Variants in SPHKAP observed in about 807,000 individuals in gnomAD.
The protein encoded by SPHKAP is SPHK1 interactor, AKAP domain containing, also known as A-kinase anchor protein SPHKAP.
In SPHKAP, 67 loss-of-function variants were observed where a neutral mutation model predicts 137.5. The observed-to-expected ratio is 0.49, with a 90% CI of 0.40 to 0.60. SPHKAP has a LOEUF of 0.60. Among genes scored for constraint, SPHKAP ranks in the 20% least tolerant of loss-of-function variants. The pLI is 0.00. For synonymous variants in SPHKAP, 813 were observed against 785.3 expected (o/e 1.04, Z -0.59); for missense variants, 2,097 against 2,069.3 (o/e 1.01, Z -0.26).
At chr2:228,054,052 T>C (rs1368051819) in intron 3 of SPHKAP, among the ~76,000 whole-genome samples, 1 of 152,208 alleles carries the variant, frequency 6.6e-6, no homozygotes, top group Non-Finnish European at 1.5e-5. Flanking sequence ...TTTTTCCTCA[T>C]TTATTGCATT....
intron 11 of SPHKAP, among the ~76,000 whole-genome samples, chr2:227,985,631 A>G (rs1427546249): frequency 6.6e-6 from 1 of 152,240 alleles, no homozygotes; most frequent in Non-Finnish European, 1.5e-5. Context: ...CCCTACCCAT[A>G]GATCATAGTT....
intron 8 of SPHKAP, 73 bp downstream of exon 8, chr2:227,995,436 G>A: frequency 6.4e-7 from 1 of 1,568,794 alleles, no homozygotes; most frequent in Admixed American, 1.7e-5. Context: ...CCTTTGCAGA[G>A]AACCATTAAA....
At chr2:228,044,886 C>T (rs1466747453) in intron 3 of SPHKAP, among the ~76,000 whole-genome samples, 1 of 152,070 alleles carries the variant, frequency 6.6e-6, no homozygotes, top group Non-Finnish European at 1.5e-5. Context: ...ACAATGAACT[C>T]AAACAAATTT....
At chr2:228,099,927 G>A (rs1698136133) in intron 3 of SPHKAP, among the ~76,000 whole-genome samples, 1 of 151,728 alleles carries the variant, frequency 6.6e-6, no homozygotes, top group Non-Finnish European at 1.5e-5. Flanking sequence ...TCGGCTCACT[G>A]CAAGCTCCGC....
At chr2:228,068,704 G>T (rs1206369163) in intron 3 of SPHKAP, among the ~76,000 whole-genome samples, 1 of 152,160 alleles carries the variant, frequency 6.6e-6, no homozygotes, top group Non-Finnish European at 1.5e-5. Context: ...AAAATGGATT[G>T]AAGACTTAAA....
chr2:228,131,851 G>T, intron 2 of SPHKAP, 129 bp downstream of exon 2: 1 of 1,409,794 alleles, frequency 7.1e-7, no homozygotes, highest in Non-Finnish European at 9.4e-7. Flanking sequence ...ACTTGGGAAA[G>T]CAAACCGTGA....
At chr2:228,101,058 C>T (rs914368762) in intron 3 of SPHKAP, among the ~76,000 whole-genome samples, 1 of 152,144 alleles carries the variant, frequency 6.6e-6, no homozygotes, top group Non-Finnish European at 1.5e-5. Context: ...GATGGTCACT[C>T]TGAAGACCCT....
chr2:228,014,771 T>C (rs1049324246), intron 7 of SPHKAP, among the ~76,000 whole-genome samples: 1 of 152,172 alleles, frequency 6.6e-6, no homozygotes, highest in African/African-American at 2.4e-5. Flanking sequence ...TGCTGAAATT[T>C]GATGAAGGCT....
chr2:228,122,019 G>A (rs553953517), intron 2 of SPHKAP, among the ~76,000 whole-genome samples: 1 of 152,132 alleles, frequency 6.6e-6, no homozygotes, highest in East Asian at 1.9e-4. Flanking sequence ...AGACCTTGAG[G>A]CCAGTGATAG....
At chr2:228,080,068 GT>G (rs35229305) in intron 3 of SPHKAP, among the ~76,000 whole-genome samples, 202 of 147,270 alleles carry the variant, frequency 1.4e-3, no homozygotes, top group Admixed American at 4.6e-3. Context: ...AAGTAACAAT[GT>G]TTTTTTTTTT....
intron 3 of SPHKAP, among the ~76,000 whole-genome samples, chr2:228,054,373 A>G (rs1178169428): frequency 6.6e-6 from 1 of 152,176 alleles, no homozygotes; most frequent in Admixed American, 6.6e-5. Flanking sequence ...AAAATTTAAG[A>G]AAATGGTAGG....
intron 3 of SPHKAP, among the ~76,000 whole-genome samples, chr2:228,046,448 C>T (rs948874567): frequency 1.3e-5 from 2 of 151,952 alleles, no homozygotes; most frequent in Admixed American, 6.6e-5. Context: ...CTTAAGCGAG[C>T]TCAGGGTGCT....
intron 3 of SPHKAP, among the ~76,000 whole-genome samples, chr2:228,092,238 T>TAC (rs1420603510): frequency 3.4e-5 from 5 of 145,630 alleles, no homozygotes; most frequent in Non-Finnish European, 6.1e-5. Context: ...CACACATGTA[T>TAC]ACACACGTGT....
intron 11 of SPHKAP, 70 bp from the exon 12 acceptor site, chr2:227,981,930 C>G: frequency 6.6e-7 from 1 of 1,523,334 alleles, no homozygotes; most frequent in Non-Finnish European, 8.8e-7. Flanking sequence ...TTCAACCACC[C>G]TCGCGAAGCC....
intron 3 of SPHKAP, among the ~76,000 whole-genome samples, chr2:228,087,383 A>T (rs905819488): frequency 6.6e-6 from 1 of 152,236 alleles, no homozygotes; most frequent in Non-Finnish European, 1.5e-5. Flanking sequence ...TAATCAAAAA[A>T]AATTATGAGA....
intron 3 of SPHKAP, among the ~76,000 whole-genome samples, chr2:228,061,420 C>T (rs1696628532): frequency 2.0e-5 from 3 of 151,978 alleles, no homozygotes; most frequent in Admixed American, 2.0e-4. Flanking sequence ...ACTGGTGTGC[C>T]ACCATGCCCA....
At chr2:228,156,086 C>T (rs906789290) in intron 1 of SPHKAP, among the ~76,000 whole-genome samples, 9 of 152,152 alleles carry the variant, frequency 5.9e-5, no homozygotes, top group Admixed American at 2.6e-4. Flanking sequence ...GAGAAAAAGA[C>T]TCTTATTTTT....
chr2:228,083,125 C>A (rs1697416192), intron 3 of SPHKAP, among the ~76,000 whole-genome samples: 1 of 152,122 alleles, frequency 6.6e-6, no homozygotes, highest in South Asian at 2.1e-4. Context: ...ATAAACCTCT[C>A]AACCCAAGAA....
intron 3 of SPHKAP, among the ~76,000 whole-genome samples, chr2:228,104,668 T>C (rs989753047): frequency 1.3e-5 from 2 of 152,134 alleles, no homozygotes; most frequent in African/African-American, 4.8e-5. Flanking sequence ...AGAGCTTTAT[T>C]TGCTTGTTTA....
Sources: allele counts gnomAD v4.1 joint callset (sites outside exome capture counted in the v4.1 genomes callset), GRCh38; gene constraint gnomAD v4.1.1; transcripts MANE v1.5; gene names NCBI Gene and HGNC (gene_info 2026-07-23, HGNC 2026-07-21).